Variants in SPEF2 observed in about 807,000 individuals in gnomAD.
SPEF2 encodes sperm flagella and cilia-associated protein 2.
In SPEF2, 187 loss-of-function variants were observed where a neutral mutation model predicts 224.6. The observed-to-expected ratio is 0.83, with a 90% CI of 0.74 to 0.94. The LOEUF is 0.94. Among genes scored for constraint, SPEF2 ranks in the 40% least tolerant of loss-of-function variants. SPEF2 has a pLI of 0.00. For missense variants in SPEF2, 2,170 were observed against 2,135.6 expected (o/e 1.02, Z -0.32); for synonymous variants, 715 against 707.3 (o/e 1.01, Z -0.17).
At chr5:35,735,995 T>C (rs769892481) in intron 21 of SPEF2, among the ~76,000 whole-genome samples, 1 of 152,198 alleles carries the variant, frequency 6.6e-6, no homozygotes, top group Non-Finnish European at 1.5e-5. Context: ...AACACTATGG[T>C]AATTAAAGAA....
chr5:35,632,129 C>G (rs1384338991), intron 2 of SPEF2, among the ~76,000 whole-genome samples: 1 of 152,194 alleles, frequency 6.6e-6, no homozygotes, highest in Non-Finnish European at 1.5e-5. Context: ...GTCACTTCCA[C>G]ATTTTCGGGT....
intron 29 of SPEF2, 24 bp from the exon 30 acceptor site, chr5:35,779,093 C>A: frequency 1.3e-6 from 2 of 1,562,552 alleles, no homozygotes; most frequent in Non-Finnish European, 8.8e-7. Context: ...ATGGGGTTAA[C>A]GCTATCCATT....
intron 34 of SPEF2, among the ~76,000 whole-genome samples, chr5:35,804,711 A>C (rs551904454): frequency 1.4e-5 from 2 of 144,150 alleles, no homozygotes; most frequent in African/African-American, 5.6e-5. Context: ...CTACCTCTTA[A>C]ATTTTAAAAA....
chr5:35,776,898 T>G (rs1224449840), intron 29 of SPEF2, among the ~76,000 whole-genome samples: 2 of 152,180 alleles, frequency 1.3e-5, no homozygotes, highest in Admixed American at 6.5e-5. Context: ...TTGTTGCTAC[T>G]GAGGGGCAAT....
intron 2 of SPEF2, among the ~76,000 whole-genome samples, chr5:35,637,406 C>A (rs763595460): frequency 6.6e-6 from 1 of 152,162 alleles, no homozygotes; most frequent in Non-Finnish European, 1.5e-5. Flanking sequence ...CCTGATACTT[C>A]CTGCTTAAGT....
chr5:35,784,748 A>G (rs1020816272), intron 30 of SPEF2, among the ~76,000 whole-genome samples: 2 of 152,106 alleles, frequency 1.3e-5, no homozygotes, highest in African/African-American at 4.8e-5. Context: ...GCTTGTGGTC[A>G]GGTTGTGAAG....
Position 35,692,588 on chromosome 5 carries a change from T to A in SPEF2, c.1763T>A (p.Leu588His), listed in dbSNP as rs771988069. 6.2e-7 allele frequency: 1 copy of A among 1,611,570 alleles called. No homozygotes were observed. The highest frequency in any genetic ancestry group is 2.2e-5 in the East Asian group (1 of 44,830). Residue 588 changes from leucine to histidine, a missense_variant, in exon 12 of 37, where the codon CTT becomes CAT. Coordinates refer to ENST00000356031, the MANE Select transcript of SPEF2 (RefSeq NM_024867.4). ...SLQKDFPIQI[L>H]SIDTLVQEAI... ...ACTTTAGACTTTCCTATACAGATAC[T>A]TTCTATTGACACTCTTGTCCAAGAA...
chr5:35,657,233 C>G (rs993710118), intron 7 of SPEF2, among the ~76,000 whole-genome samples: 2 of 152,166 alleles, frequency 1.3e-5, no homozygotes, highest in Non-Finnish European at 2.9e-5. Flanking sequence ...CCAGTTTCTC[C>G]CTGGAATTTA....
In SPEF2 at chr5:35,709,064, A is replaced by G. The variant is rs764825663; in HGVS notation, c.2782A>G (p.Ile928Val). The change falls in exon 19 of 37, where the codon ATT (isoleucine) becomes GTT (valine). Residue 928 changes from isoleucine (I) to valine (V), a missense_variant. Ile to Val is a conservative substitution (Grantham distance 29). Transcript: ENST00000356031. ...PPPEPEKEKE[I>V]HQSHVASKTP... ...TCCTGAACCAGAAAAAGAGAAGGAA[A>G]TTCATCAAAGCCATGTGGCTTCAAA... 3.1e-6 allele frequency: 5 copies of G among 1,613,848 alleles called. No homozygotes were observed. In the African/African-American group the frequency reaches 6.7e-5, roughly 22 times the overall value.
chr5:35,701,798 A>T (rs953571257), intron 16 of SPEF2, among the ~76,000 whole-genome samples: 1 of 152,148 alleles, frequency 6.6e-6, no homozygotes, highest in African/African-American at 2.4e-5. Flanking sequence ...AGGAAACGTG[A>T]CAAGGCCCTG....
At position 35,734,607 on chromosome 5, in the gene SPEF2, C is replaced by T. The variant is rs538703420; in HGVS notation, c.3064-5312C>T. ...AAATCTTCCTTCTTCTCAATGCCAACTGCAATGCTGCTTAATGAAGAGGCC... is the reference window on the plus strand; with the variant it reads ...AAATCTTCCTTCTTCTCAATGCCAATTGCAATGCTGCTTAATGAAGAGGCC... On this transcript the variant is annotated intron_variant, in intron 21 of 36. Transcript: ENST00000356031. Among the ~76,000 whole-genome samples the T allele has an allele frequency of 6.0e-4, 92 of 152,140 alleles. No individual in the cohort carries two copies. The South Asian group carries it at 0.019, about 31-fold the overall frequency.
At chr5:35,673,290 T>G (rs1358370962) in intron 10 of SPEF2, among the ~76,000 whole-genome samples, 1 of 152,194 alleles carries the variant, frequency 6.6e-6, no homozygotes, top group Non-Finnish European at 1.5e-5. Flanking sequence ...TTCTCAATCA[T>G]GCAGTGGACT....
chr5:35,792,218 C>A, intron 30 of SPEF2, 122 bp from the exon 31 acceptor site: 2 of 569,430 alleles, frequency 3.5e-6, no homozygotes, highest in Non-Finnish European at 2.8e-6. Flanking sequence ...TTCTTTAAAA[C>A]TTACCATTTT....
At chr5:35,634,913 C>T (rs1391823994) in intron 2 of SPEF2, among the ~76,000 whole-genome samples, 3 of 151,524 alleles carry the variant, frequency 2.0e-5, no homozygotes, top group South Asian at 4.2e-4. Flanking sequence ...TTTCTTGTTC[C>T]GGGATCCCAT....
chr5:35,698,026 G>A (rs1329454096), intron 15 of SPEF2: 3 of 325,520 alleles, frequency 9.2e-6, no homozygotes, highest in South Asian at 5.4e-5. Flanking sequence ...ATAAAGTCAG[G>A]TTCTATTACC....
chr5:35,812,283 T>C (rs1447087693), intron 36 of SPEF2, among the ~76,000 whole-genome samples: 1 of 152,144 alleles, frequency 6.6e-6, no homozygotes. Context: ...ACTTTACTGG[T>C]GCAGTGCCAT....
intron 13 of SPEF2, among the ~76,000 whole-genome samples, chr5:35,695,268 T>G (rs1206123457): frequency 1.2e-5 from 1 of 85,572 alleles, no homozygotes; most frequent in Admixed American, 1.1e-4. Context: ...ACTTCTGGTT[T>G]TTTTTTTTTT....
intron 10 of SPEF2, among the ~76,000 whole-genome samples, chr5:35,674,337 C>CTTTTTTT (rs35129181): frequency 7.4e-5 from 7 of 94,418 alleles, no homozygotes; most frequent in African/African-American, 1.2e-4. Flanking sequence ...TTTTCGTCTT[C>CTTTTTTT]TTTTTTTTTT....
At chr5:35,649,112 T>C (rs13190625) in intron 5 of SPEF2, among the ~76,000 whole-genome samples, 6,915 of 152,220 alleles carry the variant, frequency 0.045, 249 homozygotes, top group Non-Finnish European at 0.072. Context: ...AAATGCCCTT[T>C]GGTGCCCTGT....
Sources: allele counts gnomAD v4.1 joint callset (sites outside exome capture counted in the v4.1 genomes callset), GRCh38; gene constraint gnomAD v4.1.1; transcripts MANE v1.5; gene names NCBI Gene and HGNC (gene_info 2026-07-23, HGNC 2026-07-21).